SYNPR: variants seen among roughly 807,000 people sequenced by gnomAD.
The protein encoded by SYNPR is synaptoporin.
A neutral mutation model predicts 32.9 loss-of-function variants in SYNPR; 23 were observed. The ratio of observed to expected loss-of-function variants is 0.70; its 90% CI spans 0.50 to 0.99. The LOEUF (loss-of-function observed/expected upper bound fraction) is 0.99. Among genes scored for constraint, SYNPR ranks in the 50% least tolerant of loss-of-function variants. The pLI, the probability that SYNPR is intolerant of heterozygous loss-of-function variation, is 0.00. For missense variants in SYNPR, 318 were observed against 349.3 expected, an observed-to-expected ratio of 0.91 and a Z score of 0.71; for synonymous variants, 146 against 135.9, an observed-to-expected ratio of 1.07 and a Z score of -0.52.
chr3:63,564,464 G>A (rs550595581), intron 4 of SYNPR, among the ~76,000 whole-genome samples: 3 of 151,422 alleles, frequency 2.0e-5, no homozygotes, highest in Non-Finnish European at 2.9e-5. Flanking sequence ...CAAAGTGCTG[G>A]GATTGCAGGT....
chr3:63,271,849 G>T (rs1417561416), intron 3 of SYNPR, among the ~76,000 whole-genome samples: 1 of 151,992 alleles, frequency 6.6e-6, no homozygotes, highest in Admixed American at 6.6e-5. Context: ...ATCCAATAAT[G>T]TATGTGTATG....
At chr3:63,348,397 G>C (rs576662028) in intron 2 of SYNPR, among the ~76,000 whole-genome samples, 1 of 151,882 alleles carries the variant, frequency 6.6e-6, no homozygotes, top group South Asian at 2.1e-4. Flanking sequence ...TTTTTTTTGA[G>C]TTGTTTGGGT....
intron 3 of SYNPR, among the ~76,000 whole-genome samples, chr3:63,544,714 A>G (rs1702369788): frequency 6.6e-6 from 1 of 152,086 alleles, no homozygotes; most frequent in South Asian, 2.1e-4. Flanking sequence ...TACTTTCTAA[A>G]AGAGTTTGGA....
intron 2 of SYNPR, among the ~76,000 whole-genome samples, chr3:63,458,532 A>G (rs1485366569): frequency 6.6e-6 from 1 of 152,126 alleles, no homozygotes; most frequent in East Asian, 1.9e-4. Context: ...GGCAATCACC[A>G]GGTTCTAAGC....
intron 2 of SYNPR, among the ~76,000 whole-genome samples, chr3:63,417,096 G>C (rs564561673): frequency 6.6e-6 from 1 of 152,294 alleles, no homozygotes; most frequent in East Asian, 1.9e-4. Flanking sequence ...TTCCACTTAT[G>C]AGCTTGTAAA....
chr3:63,437,564 GAGAA>G (rs1317194463), intron 2 of SYNPR, among the ~76,000 whole-genome samples: 5 of 142,866 alleles, frequency 3.5e-5, no homozygotes, highest in Admixed American at 2.9e-4. Flanking sequence ...AGGAGAGACA[GAGAA>G]AGAAAGAAGA....
intron 2 of SYNPR, among the ~76,000 whole-genome samples, chr3:63,286,177 C>T (rs76592731): frequency 9.9e-4 from 151 of 152,246 alleles, no homozygotes; most frequent in Non-Finnish European, 1.9e-3. Flanking sequence ...ACTCTTCAGG[C>T]GCTTGCTCCT....
chr3:63,290,246 C>T (rs542261878), intron 2 of SYNPR, among the ~76,000 whole-genome samples: 4 of 152,278 alleles, frequency 2.6e-5, no homozygotes, highest in Admixed American at 2.6e-4. Context: ...GATTTGAACC[C>T]AGGCAACTGG....
intron 2 of SYNPR, among the ~76,000 whole-genome samples, chr3:63,393,450 C>A (rs760548366): frequency 6.7e-6 from 1 of 149,000 alleles, no homozygotes; most frequent in Non-Finnish European, 1.5e-5. Context: ...GTTTTCCCTT[C>A]CTTCCTTCCT....
intron 4 of SYNPR, among the ~76,000 whole-genome samples, chr3:63,597,588 G>A (rs1699979976): frequency 6.6e-6 from 1 of 152,196 alleles, no homozygotes; most frequent in Admixed American, 6.5e-5. Flanking sequence ...TTTATTGCTC[G>A]TTCCCACCAG....
intron 1 of SYNPR, among the ~76,000 whole-genome samples, chr3:63,245,888 G>A (rs996168905): frequency 6.6e-6 from 1 of 151,838 alleles, no homozygotes; most frequent in Non-Finnish European, 1.5e-5. Context: ...CATTAAATTT[G>A]CTCCTGATTA....
At chr3:63,478,341 A>G (rs1700976058) in intron 2 of SYNPR, among the ~76,000 whole-genome samples, 1 of 152,198 alleles carries the variant, frequency 6.6e-6, no homozygotes, top group African/African-American at 2.4e-5. Flanking sequence ...ATTTGTTTTT[A>G]TATCCTTCAA....
chr3:63,329,335 C>G (rs1255948314), intron 2 of SYNPR, among the ~76,000 whole-genome samples: 1 of 152,050 alleles, frequency 6.6e-6, no homozygotes, highest in Non-Finnish European at 1.5e-5. Flanking sequence ...GGTGGGAAAA[C>G]TGAGACACAG....
intron 2 of SYNPR, among the ~76,000 whole-genome samples, chr3:63,449,495 G>A (rs970988342): frequency 6.6e-6 from 1 of 152,088 alleles, no homozygotes; most frequent in Admixed American, 6.6e-5. Flanking sequence ...TACCCACTAT[G>A]TGTCAGTAGC....
intron 2 of SYNPR, among the ~76,000 whole-genome samples, chr3:63,466,173 TC>T (rs1419925417): frequency 6.6e-5 from 10 of 152,288 alleles, no homozygotes; most frequent in Middle Eastern, 6.8e-3. Context: ...GGTTTTCTGT[TC>T]CTGTGTTAGT....
chr3:63,220,917 G>A, the SYNPR span, among the ~76,000 whole-genome samples: 1 of 152,084 alleles, frequency 6.6e-6, no homozygotes, highest in African/African-American at 2.4e-5. Context: ...TGTTAACTTA[G>A]TTAACAGTTT....
chr3:63,391,129 C>A (rs2088128281), intron 2 of SYNPR, among the ~76,000 whole-genome samples: 1 of 152,174 alleles, frequency 6.6e-6, no homozygotes, highest in Non-Finnish European at 1.5e-5. Context: ...GATAGCTCTT[C>A]CTGGAAATCT....
At chr3:63,541,566 A>T (rs550682562) in intron 3 of SYNPR, among the ~76,000 whole-genome samples, 2 of 152,116 alleles carry the variant, frequency 1.3e-5, no homozygotes, top group East Asian at 3.9e-4. Flanking sequence ...CTTAGGGTGA[A>T]TTTTTTCTTC....
chr3:63,248,346 G>C (rs559035575), intron 1 of SYNPR, among the ~76,000 whole-genome samples: 1 of 152,208 alleles, frequency 6.6e-6, no homozygotes, highest in Admixed American at 6.5e-5. Context: ...GGACATGGTA[G>C]CAATTGTGAT....
Sources: allele counts gnomAD v4.1 joint callset (sites outside exome capture counted in the v4.1 genomes callset), GRCh38; gene constraint gnomAD v4.1.1; transcripts MANE v1.5; gene names NCBI Gene and HGNC (gene_info 2026-07-23, HGNC 2026-07-21).